The following TMEM164 variants were observed in gnomAD, a reference collection of about 807,000 sequenced individuals.
TMEM164 encodes transmembrane protein 164, also known as RP13-360B22.2.
TMEM164 carries 4 observed loss-of-function variants against 18.8 expected under a neutral mutation model. The ratio of observed to expected loss-of-function variants is 0.21; its 90% CI spans 0.10 to 0.49. The LOEUF is 0.49. TMEM164 is among the 20% of genes least tolerant of loss of function. The pLI is 0.98. For missense variants in TMEM164, 108 were observed against 239.9 expected, an observed-to-expected ratio of 0.45 and a Z score of 3.63; for synonymous variants, 86 against 101.7, an observed-to-expected ratio of 0.85 and a Z score of 0.93.
chrX:110,042,634 T>A (rs1229859373), intron 2 of TMEM164, among the ~76,000 whole-genome samples: 1 of 111,983 alleles, frequency 8.9e-6, no homozygotes, highest in Non-Finnish European at 1.9e-5. Context: ...CACTTTACAT[T>A]CCCACCAGTA....
chrX:110,093,014 A>G (rs1317775892), intron 3 of TMEM164, among the ~76,000 whole-genome samples: 2 of 111,786 alleles, frequency 1.8e-5, no homozygotes, highest in African/African-American at 3.3e-5. Flanking sequence ...GGTTATGTTT[A>G]TTGATTTGCA....
At chrX:110,028,976 G>A (rs1934328704) in intron 2 of TMEM164, among the ~76,000 whole-genome samples, 2 of 109,968 alleles carry the variant, frequency 1.8e-5, no homozygotes, top group South Asian at 7.7e-4. Flanking sequence ...TGCATTTATT[G>A]TTACATCTAT....
chrX:110,089,119 T>G (rs2065892112), intron 3 of TMEM164, among the ~76,000 whole-genome samples: 1 of 112,381 alleles, frequency 8.9e-6, no homozygotes, highest in Admixed American at 9.5e-5. Flanking sequence ...GAACTGTTTC[T>G]TTCTCATTAT....
chrX:110,054,457 T>C (rs1239310922), intron 2 of TMEM164, among the ~76,000 whole-genome samples: 1 of 112,400 alleles, frequency 8.9e-6, no homozygotes, highest in Non-Finnish European at 1.9e-5. Context: ...GAATGAAATA[T>C]TCCAGGTGGA....
At chrX:110,082,896 G>C (rs1168223199) in intron 3 of TMEM164, among the ~76,000 whole-genome samples, 2 of 111,141 alleles carry the variant, frequency 1.8e-5, no homozygotes, top group Non-Finnish European at 3.8e-5. Context: ...TCTGTAGATT[G>C]TCAGCTCATG....
At chrX:110,057,833 A>T (rs1416033036) in intron 2 of TMEM164, among the ~76,000 whole-genome samples, 1 of 111,406 alleles carries the variant, frequency 9.0e-6, no homozygotes, top group Non-Finnish European at 1.9e-5. Flanking sequence ...CCATTTTAAA[A>T]TTGGGTTATT....
intron 2 of TMEM164, among the ~76,000 whole-genome samples, chrX:110,024,762 T>C (rs1028194389): frequency 8.9e-6 from 1 of 112,064 alleles, no homozygotes; most frequent in Non-Finnish European, 1.9e-5. Context: ...GATGATGGTT[T>C]CTAGAAGAGA....
chrX:110,124,031 A>T (rs1283095082), intron 4 of TMEM164, among the ~76,000 whole-genome samples: 1 of 109,978 alleles, frequency 9.1e-6, no homozygotes, highest in African/African-American at 3.3e-5. Context: ...CAGGAGGATC[A>T]CTTGAGCCTA....
In TMEM164 at chrX:110,070,714, G is replaced by A. The variant is rs745641857; in HGVS notation, c.440+3318G>A. Among the ~76,000 whole-genome samples, 4 of 109,464 alleles carry A rather than the reference G, an allele frequency of 3.7e-5. No homozygotes were observed. The East Asian group carries it at 8.6e-4, about 24-fold the overall frequency. On this transcript the variant is annotated intron_variant, in intron 3 of 6. Coordinates refer to ENST00000372068, the MANE Select transcript of TMEM164 (RefSeq NM_032227.4). ...ATCATGGACAACATGATGAAACCTCGTCTCTAACCCCCCACCAAAAAAAAG... is the reference window on the plus strand; with the variant it reads ...ATCATGGACAACATGATGAAACCTCATCTCTAACCCCCCACCAAAAAAAAG...
At chrX:110,038,845 A>G (rs1197114346) in intron 2 of TMEM164, among the ~76,000 whole-genome samples, 3 of 88,283 alleles carry the variant, frequency 3.4e-5, no homozygotes, top group Non-Finnish European at 6.5e-5. Context: ...GTCTTGAGTT[A>G]CCATGGGGCG....
chrX:110,181,867 G>A (rs1187211988), downstream of TMEM164, among the ~76,000 whole-genome samples: 2 of 112,323 alleles, frequency 1.8e-5, no homozygotes, highest in South Asian at 3.7e-4. Flanking sequence ...TACTATGCTT[G>A]TTCCCAGAGC....
At chrX:110,010,688 G>C (rs1932955604) in intron 2 of TMEM164, among the ~76,000 whole-genome samples, 1 of 111,857 alleles carries the variant, frequency 8.9e-6, no homozygotes, top group Non-Finnish European at 1.9e-5. Context: ...TCCTAATTGA[G>C]CATGAGTCTG....
chrX:110,159,893 AGGGACATTCT>A (rs1280472241), intron 5 of TMEM164, among the ~76,000 whole-genome samples: 4 of 111,490 alleles, frequency 3.6e-5, no homozygotes, highest in East Asian at 2.8e-4. Context: ...AGGAGGTGAA[AGGGACATTCT>A]GGGGAAAGGT....
chrX:110,057,022 G>T (rs1240926469), intron 2 of TMEM164, among the ~76,000 whole-genome samples: 1 of 110,428 alleles, frequency 9.1e-6, no homozygotes, highest in Non-Finnish European at 1.9e-5. Context: ...GTGTATGCGT[G>T]TGTGTGTGTG....
Position 110,176,114 on chromosome X carries a change from G to A in TMEM164, c.*2663G>A, listed in dbSNP as rs1193637382. ...ATTTGCCAGCGTGTGGGAGCTCTGC[G>A]CGTGTGTGAGGGTGTTTGTAGAAGA... On this transcript the variant is annotated 3_prime_UTR_variant, in exon 7 of 7. Coordinates refer to ENST00000372068, the MANE Select transcript of TMEM164 (RefSeq NM_032227.4). The A allele has an allele frequency of 9.3e-6, 7 of 755,225 alleles. No individual in the cohort carries two copies. Among genetic ancestry groups the A allele is most frequent in the Admixed American group, 8.7e-5 (1 of 11,485 alleles). 62.2% of individuals were successfully genotyped at this position (755,225 alleles called of 1,213,427 possible).
chrX:110,142,371 G>A (rs145200574), intron 4 of TMEM164, among the ~76,000 whole-genome samples: 3 of 111,967 alleles, frequency 2.7e-5, no homozygotes, highest in Non-Finnish European at 5.6e-5. Context: ...CCTGTCAGTC[G>A]GCCTTCTGTG....
downstream of TMEM164, among the ~76,000 whole-genome samples, chrX:110,183,365 C>T (rs1341535062): frequency 2.7e-5 from 3 of 112,377 alleles, no homozygotes; most frequent in African/African-American, 9.7e-5. Flanking sequence ...GATAGCAGAT[C>T]GTCAAAATAA....
intron 3 of TMEM164, among the ~76,000 whole-genome samples, chrX:110,105,657 T>A (rs2066178387): frequency 1.1e-5 from 1 of 92,924 alleles, no homozygotes; most frequent in Admixed American, 1.2e-4. Context: ...TGCAGTCTGA[T>A]ACATACACAC....
chrX:110,105,335 A>G (rs1419980678), intron 3 of TMEM164, among the ~76,000 whole-genome samples: 1 of 110,646 alleles, frequency 9.0e-6, no homozygotes, highest in East Asian at 2.8e-4. Context: ...AATTCCCATA[A>G]CAATCCTATG....
Sources: allele counts gnomAD v4.1 joint callset (sites outside exome capture counted in the v4.1 genomes callset), GRCh38; gene constraint gnomAD v4.1.1; transcripts MANE v1.5; gene names NCBI Gene and HGNC (gene_info 2026-07-23, HGNC 2026-07-21).